Variants in ARID1B observed in about 807,000 individuals in gnomAD.
The protein encoded by ARID1B is AT-rich interaction domain 1B.
A neutral mutation model predicts 212.3 loss-of-function variants in ARID1B; 30 were observed. The ratio of observed to expected loss-of-function variants is 0.14; its 90% CI spans 0.11 to 0.19. ARID1B has a LOEUF of 0.19. Among genes scored for constraint, ARID1B ranks in the 10% least tolerant of loss-of-function variants. The pLI is 1.00. For synonymous variants in ARID1B, 1,402 were observed against 1,301.7 expected (o/e 1.08, Z -1.66); for missense variants, 2,891 against 3,204.0 (o/e 0.90, Z 2.36).
intron 2 of ARID1B, among the ~76,000 whole-genome samples, chr6:156,896,996 TC>T (rs1267605416): frequency 1.3e-5 from 2 of 152,124 alleles, no homozygotes; most frequent in African/African-American, 4.8e-5. Context: ...GAAAAATGAG[TC>T]CTGACCCTGC....
rs557794819 is a variant in ARID1B, at chr6:157,048,476, T to G, written c.2248-36186T>G. ...GATAATGCAAATAAAACATTTCACATTATAACTTAAAATAACAAGTTTGGA... is the reference window on the plus strand; with the variant it reads ...GATAATGCAAATAAAACATTTCACAGTATAACTTAAAATAACAAGTTTGGA... On this transcript the variant is annotated intron_variant, in intron 4 of 19. Coordinates refer to ENST00000636930, the MANE Select transcript of ARID1B (RefSeq NM_001374828.1). Among the ~76,000 whole-genome samples the G allele has an allele frequency of 1.1e-3, 175 of 152,304 alleles. 1 individual carries two copies. Among genetic ancestry groups the G allele is most frequent in the South Asian group, 9.7e-3 (47 of 4,824 alleles).
chr6:157,086,637 T>A (rs1784986725), intron 5 of ARID1B, among the ~76,000 whole-genome samples: 2 of 152,250 alleles, frequency 1.3e-5, no homozygotes, highest in Admixed American at 6.5e-5. Flanking sequence ...TTTCCACATG[T>A]CTGTCCTTCC....
intron 4 of ARID1B, chr6:157,072,241 G>C (rs1237180307): frequency 2.0e-5 from 3 of 152,124 alleles, no homozygotes; most frequent in Admixed American, 6.5e-5. Flanking sequence ...TCATTCAGTT[G>C]TGCTGTAGCT....
Position 156,934,932 on chromosome 6 carries a change from AT to A in ARID1B, c.2137-533del, listed in dbSNP as rs1562494740. Among the ~76,000 whole-genome samples, 26 of 93,482 alleles carry A rather than the reference AT, an allele frequency of 2.8e-4. 1 individual carries two copies. The highest frequency in any genetic ancestry group is 4.1e-4 in the African/African-American group (10 of 24,624). The allele number at this position is 93,482 out of a possible 152,430, so 61.3% of individuals were successfully genotyped here. ...GTTAATTATATATATATATATATAT[AT>A]ATATATATATATATATATATATATA... On this transcript the variant is annotated intron_variant, in intron 3 of 19. Coordinates refer to ENST00000636930, the MANE Select transcript of ARID1B (RefSeq NM_001374828.1).
chr6:156,967,152 T>A (rs573254679), intron 4 of ARID1B, among the ~76,000 whole-genome samples: 5 of 152,210 alleles, frequency 3.3e-5, no homozygotes, highest in Non-Finnish European at 7.3e-5. Context: ...ATAAACCTAG[T>A]CTTTTGGGGG....
intron 4 of ARID1B, among the ~76,000 whole-genome samples, chr6:157,035,366 T>G (rs1781265675): frequency 6.6e-6 from 1 of 152,254 alleles, no homozygotes; most frequent in South Asian, 2.1e-4. Context: ...TATTTAAGAT[T>G]CAGCATATTT....
At chr6:156,951,430 T>A (rs1793578352) in intron 4 of ARID1B, among the ~76,000 whole-genome samples, 1 of 152,016 alleles carries the variant, frequency 6.6e-6, no homozygotes, top group Admixed American at 6.6e-5. Flanking sequence ...GTAAAACACT[T>A]CATTTATTTT....
intron 1 of ARID1B, among the ~76,000 whole-genome samples, chr6:156,799,763 C>A (rs1259343177): frequency 6.6e-6 from 1 of 152,184 alleles, no homozygotes; most frequent in Non-Finnish European, 1.5e-5. Flanking sequence ...CAGGCATGAG[C>A]CACCACACCC....
chr6:157,138,307 C>G (rs1225861553), intron 7 of ARID1B, among the ~76,000 whole-genome samples: 2 of 152,154 alleles, frequency 1.3e-5, no homozygotes, highest in East Asian at 3.8e-4. Flanking sequence ...GCAACCTTGA[C>G]TCACTGCAAC....
intron 1 of ARID1B, among the ~76,000 whole-genome samples, chr6:156,800,721 A>G (rs771842396): frequency 2.0e-5 from 3 of 152,080 alleles, no homozygotes; most frequent in Non-Finnish European, 4.4e-5. Flanking sequence ...AGCTTGGGCA[A>G]CATAGTAAGA....
At chr6:156,881,966 A>G (rs1787135594) in intron 2 of ARID1B, among the ~76,000 whole-genome samples, 1 of 152,242 alleles carries the variant, frequency 6.6e-6, no homozygotes, top group African/African-American at 2.4e-5. Context: ...GCTTTAAAAT[A>G]AAATGTACTA....
chr6:156,993,068 G>A (rs1228666367), intron 4 of ARID1B, among the ~76,000 whole-genome samples: 1 of 148,132 alleles, frequency 6.8e-6, no homozygotes, highest in East Asian at 2.0e-4. Flanking sequence ...TTTTAAGATG[G>A]AGTCTCTCTC....
intron 7 of ARID1B, chr6:157,141,083 C>G (rs769611091): frequency 1.0e-4 from 16 of 157,274 alleles, no homozygotes; most frequent in Admixed American, 2.6e-4. Context: ...GTCACTGATA[C>G]TCCGTCCCCT....
At chr6:156,844,676 G>A (rs958576767) in intron 2 of ARID1B, among the ~76,000 whole-genome samples, 2 of 152,158 alleles carry the variant, frequency 1.3e-5, no homozygotes, top group African/African-American at 4.8e-5. Context: ...AAGAAGTGAA[G>A]TTTTGAATAA....
intron 5 of ARID1B, among the ~76,000 whole-genome samples, chr6:157,087,887 G>T (rs1196614469): frequency 6.6e-5 from 10 of 151,884 alleles, no homozygotes; most frequent in Non-Finnish European, 1.3e-4. Context: ...GAGAATGACT[G>T]TACCCCAGAG....
chr6:156,886,155 A>G (rs893971586), intron 2 of ARID1B, among the ~76,000 whole-genome samples: 2 of 152,142 alleles, frequency 1.3e-5, no homozygotes, highest in African/African-American at 4.8e-5. Context: ...ATACTTTCTA[A>G]ATTAATCTCA....
intron 3 of ARID1B, among the ~76,000 whole-genome samples, chr6:156,921,843 CT>C (rs1790830515): frequency 6.6e-6 from 1 of 152,202 alleles, no homozygotes; most frequent in African/African-American, 2.4e-5. Flanking sequence ...GCTGTTTCTT[CT>C]GTTTCTCTAG....
intron 1 of ARID1B, among the ~76,000 whole-genome samples, chr6:156,811,087 A>G (rs1450682145): frequency 6.6e-6 from 1 of 152,104 alleles, no homozygotes; most frequent in African/African-American, 2.4e-5. Flanking sequence ...TAGAATTCAT[A>G]TCTGCCTGCT....
intron 9 of ARID1B, among the ~76,000 whole-genome samples, chr6:157,171,668 G>A (rs1181821691): frequency 6.6e-6 from 1 of 152,030 alleles, no homozygotes; most frequent in Non-Finnish European, 1.5e-5. Context: ...CAAAATAATA[G>A]AACAGTGCCA....
Sources: allele counts gnomAD v4.1 joint callset (sites outside exome capture counted in the v4.1 genomes callset), GRCh38; gene constraint gnomAD v4.1.1; transcripts MANE v1.5; gene names NCBI Gene and HGNC (gene_info 2026-07-23, HGNC 2026-07-21).